Variants in AHCYL2 observed in about 807,000 individuals in gnomAD.
AHCYL2 encodes adenosylhomocysteinase like 2.
A neutral mutation model predicts 81.4 loss-of-function variants in AHCYL2; 28 were observed. The observed-to-expected ratio is 0.34, with a 90% CI of 0.25 to 0.47. The LOEUF (loss-of-function observed/expected upper bound fraction) is 0.47. Among genes scored for constraint, AHCYL2 ranks in the 20% least tolerant of loss-of-function variants. AHCYL2 has a pLI of 1.00. For missense variants in AHCYL2, 551 were observed against 785.1 expected (o/e 0.70, Z 3.56); for synonymous variants, 272 against 290.2 (o/e 0.94, Z 0.64).
intron 1 of AHCYL2, among the ~76,000 whole-genome samples, chr7:129,371,327 A>G (rs574973248): frequency 6.6e-6 from 1 of 152,360 alleles, no homozygotes; most frequent in East Asian, 1.9e-4. Context: ...AATCACCAGC[A>G]AAAAGGGACT....
At chr7:129,310,811 A>G (rs191296031) in intron 1 of AHCYL2, among the ~76,000 whole-genome samples, 1 of 152,262 alleles carries the variant, frequency 6.6e-6, no homozygotes, top group East Asian at 1.9e-4. Context: ...TTAAAGCAGT[A>G]TATAACAGAC....
intron 1 of AHCYL2, among the ~76,000 whole-genome samples, chr7:129,249,914 C>T (rs1051470427): frequency 6.6e-6 from 1 of 151,974 alleles, no homozygotes; most frequent in Non-Finnish European, 1.5e-5. Flanking sequence ...TTTTTAAGGC[C>T]GAGTAATATT....
At chr7:129,344,465 A>G (rs1371303665) in intron 1 of AHCYL2, among the ~76,000 whole-genome samples, 1 of 152,238 alleles carries the variant, frequency 6.6e-6, no homozygotes, top group African/African-American at 2.4e-5. Flanking sequence ...AAAACATTAA[A>G]TGAAAGAAGC....
intron 1 of AHCYL2, among the ~76,000 whole-genome samples, chr7:129,297,774 C>T (rs1282112196): frequency 6.6e-6 from 1 of 152,056 alleles, no homozygotes; most frequent in Non-Finnish European, 1.5e-5. Context: ...GTAATCCCAG[C>T]ACTTTGGGAG....
At chr7:129,275,719 C>T (rs966788558) in intron 1 of AHCYL2, among the ~76,000 whole-genome samples, 1 of 151,720 alleles carries the variant, frequency 6.6e-6, no homozygotes, top group Non-Finnish European at 1.5e-5. Flanking sequence ...AGATAGAATA[C>T]AAAATATGTA....
intron 1 of AHCYL2, among the ~76,000 whole-genome samples, chr7:129,277,415 T>G (rs1410907329): frequency 6.6e-6 from 1 of 151,922 alleles, no homozygotes. Flanking sequence ...GTAGCTGGAA[T>G]TACAGGTGCG....
chr7:129,406,518 A>G lies in AHCYL2; in HGVS notation c.1295+52A>G, dbSNP rs767899223. On this transcript the variant is annotated intron_variant, in intron 10 of 16. Transcript: ENST00000325006. This position sits in a 1 kb window ranked among gnomAD's most constrained non-coding sequence, Gnocchi z 4.3. The stretch of plus-strand genomic sequence containing the variant: ...TGCAATCTCGGAGCTGTCTCCAAAG[A>G]ATGGCCTGGTTGATGCCACACTTTA... 21 of 1,557,584 alleles carry G rather than the reference A, an allele frequency of 1.3e-5. No individual in the cohort carries two copies. The highest frequency in any genetic ancestry group is 1.7e-5 in the Non-Finnish European group (19 of 1,128,922).
chr7:129,403,120 A>G (rs1000639013), intron 6 of AHCYL2, among the ~76,000 whole-genome samples: 2 of 152,126 alleles, frequency 1.3e-5, no homozygotes, highest in South Asian at 4.1e-4. Flanking sequence ...ATTTTGATAC[A>G]GTAGATATGT....
At chr7:129,375,074 T>C (rs1794613493) in intron 1 of AHCYL2, among the ~76,000 whole-genome samples, 1 of 152,136 alleles carries the variant, frequency 6.6e-6, no homozygotes, top group Non-Finnish European at 1.5e-5. Context: ...AACTTCCCTT[T>C]GTAGTCGTCC....
chr7:129,357,930 T>A (rs1239814137), intron 1 of AHCYL2, among the ~76,000 whole-genome samples: 3 of 141,044 alleles, frequency 2.1e-5, no homozygotes, highest in Admixed American at 1.4e-4. Flanking sequence ...CGAGACTCCA[T>A]CTCAAAAAAA....
At chr7:129,402,543 C>A (rs1389077242) in intron 6 of AHCYL2, among the ~76,000 whole-genome samples, 1 of 152,164 alleles carries the variant, frequency 6.6e-6, no homozygotes, top group African/African-American at 2.4e-5. Context: ...CTTCTGACAG[C>A]CTAGGGAAGG....
chr7:129,380,069 C>CT (rs1207543327), intron 2 of AHCYL2, among the ~76,000 whole-genome samples: 1,956 of 144,318 alleles, frequency 0.014, 38 homozygotes, highest in African/African-American at 0.046. Context: ...TACTTGTGGT[C>CT]TTTTTTTTTT....
chr7:129,353,796 G>A (rs1344481065), intron 1 of AHCYL2, among the ~76,000 whole-genome samples: 1 of 150,970 alleles, frequency 6.6e-6, no homozygotes, highest in Non-Finnish European at 1.5e-5. Context: ...GACTGAAGAG[G>A]ACACAGAGAC....
At chr7:129,354,786 A>G (rs1793681692) in intron 1 of AHCYL2, among the ~76,000 whole-genome samples, 1 of 152,214 alleles carries the variant, frequency 6.6e-6, no homozygotes, top group Non-Finnish European at 1.5e-5. Flanking sequence ...TGCACTTAGA[A>G]GCAAAGTTGA....
intron 1 of AHCYL2, among the ~76,000 whole-genome samples, chr7:129,257,642 C>T (rs970789064): frequency 2.0e-5 from 3 of 152,088 alleles, no homozygotes; most frequent in Non-Finnish European, 4.4e-5. Context: ...TGTATATATA[C>T]GTGAAAGAAG....
At chr7:129,424,681 C>T (rs1237785379) in intron 13 of AHCYL2, 193 bp from the exon 14 acceptor site, 1 of 609,056 alleles carries the variant, frequency 1.6e-6, no homozygotes, top group Non-Finnish European at 2.9e-6. Flanking sequence ...TTAGTTTCAT[C>T]AGATTTTCCA....
At chr7:129,232,443 A>G (rs1391814731) in intron 1 of AHCYL2, among the ~76,000 whole-genome samples, 3 of 152,162 alleles carry the variant, frequency 2.0e-5, no homozygotes, top group Non-Finnish European at 4.4e-5. Context: ...CCAGACTCCC[A>G]CTGAAGTCTG....
intron 2 of AHCYL2, among the ~76,000 whole-genome samples, chr7:129,380,209 C>T (rs1477785603): frequency 6.6e-6 from 1 of 152,148 alleles, no homozygotes; most frequent in Non-Finnish European, 1.5e-5. Context: ...AGCCCTTTGC[C>T]TTCTCTCCTA....
At chr7:129,230,325 A>G (rs2718114) in intron 1 of AHCYL2, among the ~76,000 whole-genome samples, 140,480 of 151,312 alleles carry the variant, frequency 0.93, 66,108 homozygotes, top group East Asian at 1. Context: ...CTCGTGATCC[A>G]CCCGCCTCAG....
Sources: gnomAD v4.1 joint callset for allele counts (sites outside exome capture counted in the v4.1 genomes callset) on GRCh38, gnomAD v4.1.1 for gene constraint, Gnocchi (gnomAD v3.1) non-coding constraint, MANE v1.5 for transcripts, NCBI Gene and HGNC (gene_info 2026-07-23, HGNC 2026-07-21) for gene names.